Variants in TEX30 observed in about 807,000 individuals in gnomAD.
TEX30 encodes testis expressed 30.
In TEX30, 14 loss-of-function variants were observed where a neutral mutation model predicts 23.8. The observed-to-expected ratio is 0.59, with a 90% CI of 0.39 to 0.92. The LOEUF is 0.92. Among genes scored for constraint, TEX30 ranks in the 40% least tolerant of loss-of-function variants. TEX30 has a pLI of 0.00. For missense variants in TEX30, 246 were observed against 270.6 expected (o/e 0.91, Z 0.64); for synonymous variants, 78 against 90.2 (o/e 0.87, Z 0.76).
Position 102,766,566 on chromosome 13 carries a change from T to C in TEX30, c.519A>G (p.Lys173=), listed in dbSNP as rs1210293623. ...GGGGAGCTTGCATTTTCTGTGCCAC[T>C]TTCTCCAACAAGTTCTAAAGAGAAA... ...DEMCEKNLLE[K]VAQKMQAPHK... Residue 173 remains lysine, a synonymous_variant, in exon 6 of 6, where the codon AAA becomes AAG. Coordinates refer to ENST00000376032, the MANE Select transcript of TEX30 (RefSeq NM_138779.5). The C allele has an allele frequency of 6.2e-7, 1 of 1,612,982 alleles. No individual in the cohort carries two copies. The highest frequency in any genetic ancestry group is 1.3e-5 in the African/African-American group (1 of 74,916).
intron 2 of TEX30, 95 bp from the exon 3 acceptor site, chr13:102,769,636 A>C (rs186521526): frequency 1.4e-6 from 1 of 729,596 alleles, no homozygotes; most frequent in Non-Finnish European, 2.3e-6. Flanking sequence ...GAGGCTCATA[A>C]TTCAAGTCAT....
intron 4 of TEX30, 94 bp from the exon 5 acceptor site, chr13:102,767,572 C>T: frequency 7.8e-7 from 1 of 1,286,548 alleles, no homozygotes; most frequent in Non-Finnish European, 1.1e-6. Flanking sequence ...TACTGTTCAT[C>T]ATATCTGTTT....
At chr13:102,771,454 C>T (rs928262307) in intron 1 of TEX30, among the ~76,000 whole-genome samples, 2 of 152,162 alleles carry the variant, frequency 1.3e-5, no homozygotes, top group Non-Finnish European at 2.9e-5. Context: ...GAAGTTTCCA[C>T]ACACTCTTCC....
rs749247734 is a variant in TEX30, at chr13:102,767,486, CAATTAA to C, written c.299-14_299-9del. ...TTGAGCCCATTGAACGACCTAAAAT[CAATTAA>C]AATTAAGTTCAGTTTGAAATATAAA... On this transcript the variant is annotated splice_polypyrimidine_tract_variant and intron_variant, in intron 4 of 5. Transcript: ENST00000376032. The C allele has an allele frequency of 1.2e-6, 2 of 1,612,826 alleles. No individual in the cohort carries two copies. The highest frequency in any genetic ancestry group is 2.2e-5 in the East Asian group (1 of 44,864).
chr13:102,772,475 A>ATG (rs1332570462), intron 1 of TEX30, among the ~76,000 whole-genome samples: 1 of 152,100 alleles, frequency 6.6e-6, no homozygotes, highest in Non-Finnish European at 1.5e-5. Flanking sequence ...AGACTTCACG[A>ATG]TGCACAGTGT....
chr13:102,773,198 T>C, intron 1 of TEX30, among the ~76,000 whole-genome samples: 1 of 152,184 alleles, frequency 6.6e-6, no homozygotes, highest in East Asian at 1.9e-4. Context: ...AACAAAAACG[T>C]TGAGTCCGAG....
At chr13:102,767,565 T>C (rs987753887) in intron 4 of TEX30, 87 bp from the exon 5 acceptor site, 4 of 1,330,414 alleles carry the variant, frequency 3.0e-6, no homozygotes. Flanking sequence ...GATCTTTTAC[T>C]GTTCATCATA....
intron 4 of TEX30, among the ~76,000 whole-genome samples, chr13:102,767,999 T>C (rs1877027569): frequency 1.3e-5 from 2 of 152,056 alleles, no homozygotes; most frequent in Non-Finnish European, 2.9e-5. Context: ...ACAAGGACAA[T>C]CATTGTAAAG....
chr13:102,766,314 A>C lies in TEX30; in HGVS notation c.*87T>G, dbSNP rs940707829. 9.0e-7 allele frequency: 1 copy of C among 1,114,542 alleles called. No homozygotes were observed. The highest frequency in any genetic ancestry group is 1.6e-5 in the African/African-American group (1 of 63,360). The allele number at this position is 1,114,542 out of a possible 1,614,324, so 69.0% of individuals were successfully genotyped here. A position where few individuals can be genotyped will look rare whatever the true frequency, so the allele number is the denominator to read the frequency against. ...AGGGAACATTAAAGAACATCAAATT[A>C]GTCTGAAATATATCTCACAATGCTG... On this transcript the variant is annotated 3_prime_UTR_variant, in exon 6 of 6. Coordinates refer to ENST00000376032, the MANE Select transcript of TEX30 (RefSeq NM_138779.5).
At chr13:102,767,877 C>CA (rs1334532978) in intron 4 of TEX30, among the ~76,000 whole-genome samples, 1 of 152,032 alleles carries the variant, frequency 6.6e-6, no homozygotes, top group African/African-American at 2.4e-5. Flanking sequence ...GGCGCCACTG[C>CA]ACTCCAGCCT....
chr13:102,772,713 TTAC>T (rs2139055746), intron 1 of TEX30, among the ~76,000 whole-genome samples: 1 of 152,254 alleles, frequency 6.6e-6, no homozygotes, highest in South Asian at 2.1e-4. Context: ...GTAGCTGAGA[TTAC>T]AGGCGTCCGC....
At chr13:102,766,699 C>T in intron 5 of TEX30, 119 bp from the exon 6 acceptor site, 2 of 937,378 alleles carry the variant, frequency 2.1e-6, no homozygotes, top group Non-Finnish European at 3.0e-6. Flanking sequence ...CTTTCTCAGA[C>T]AACTTTCTAG....
chr13:102,768,098 G>T (rs2139029347), intron 4 of TEX30, among the ~76,000 whole-genome samples, 162 bp downstream of exon 4: 2 of 152,176 alleles, frequency 1.3e-5, no homozygotes, highest in African/African-American at 4.8e-5. Flanking sequence ...GTTCAAGTTT[G>T]CTCTAAGTAT....
intron 1 of TEX30, among the ~76,000 whole-genome samples, chr13:102,771,951 A>T (rs1877351809): frequency 6.6e-6 from 1 of 152,162 alleles, no homozygotes; most frequent in African/African-American, 2.4e-5. Flanking sequence ...TCTGTGGTTA[A>T]TACAGGGTTT....
In TEX30 at chr13:102,769,468, T is replaced by C. The variant is rs772701933; in HGVS notation, c.89A>G (p.Tyr30Cys). ...TGCTCCATGTGTAAGAATTATTCCA[T>C]ATGTTAAGCTCTTGTTAGGTACCAA... is the stretch of plus-strand genomic sequence containing the variant. The part of the protein sequence containing the change: ...VCLVPNKSLT[Y>C]GIILTHGASG... The change falls in exon 3 of 6, where the codon TAT becomes TGT. Residue 30 changes from tyrosine to cysteine, a missense_variant. Tyr to Cys is a radical substitution (Grantham distance 194). Coordinates refer to ENST00000376032, the MANE Select transcript of TEX30 (RefSeq NM_138779.5). 3 of 1,612,078 alleles carry C rather than the reference T, an allele frequency of 1.9e-6. No homozygotes were observed. Among genetic ancestry groups the C allele is most frequent in the South Asian group, 2.2e-5 (2 of 90,370 alleles).
chr13:102,767,490 T>G lies in TEX30; in HGVS notation c.299-12A>C, dbSNP rs1338795737. On this transcript the variant is annotated splice_polypyrimidine_tract_variant and intron_variant, in intron 4 of 5. Transcript: ENST00000376032. ...GCCCATTGAACGACCTAAAATCAAT[T>G]AAAATTAAGTTCAGTTTGAAATATA... 6.2e-7 allele frequency: 1 copy of G among 1,612,332 alleles called. No individual in the cohort carries two copies. Among genetic ancestry groups the G allele is most frequent in the Non-Finnish European group, 8.5e-7 (1 of 1,179,054 alleles).
intron 1 of TEX30, among the ~76,000 whole-genome samples, chr13:102,771,070 C>T (rs1187559869): frequency 6.6e-6 from 1 of 152,216 alleles, no homozygotes; most frequent in African/African-American, 2.4e-5. Context: ...CTTGACTTGA[C>T]ATCAGATTCC....
At chr13:102,768,188 A>T in intron 4 of TEX30, 72 bp downstream of exon 4, 2 of 1,292,314 alleles carry the variant, frequency 1.5e-6, no homozygotes, top group East Asian at 4.9e-5. Context: ...TGATCAACTA[A>T]TTTTAATTCT....
At chr13:102,768,153 A>G (rs950260122) in intron 4 of TEX30, 107 bp downstream of exon 4, 10 of 1,017,716 alleles carry the variant, frequency 9.8e-6, no homozygotes, top group Non-Finnish European at 1.4e-5. Context: ...AAAACAACAA[A>G]AAAAATCCTT....
Sources: gnomAD v4.1 joint callset for allele counts (sites outside exome capture counted in the v4.1 genomes callset) on GRCh38, gnomAD v4.1.1 for gene constraint, MANE v1.5 for transcripts, NCBI Gene and HGNC (gene_info 2026-07-23, HGNC 2026-07-21) for gene names.